Variants in CACNB2 observed in about 807,000 individuals in gnomAD.
CACNB2 encodes voltage-dependent L-type calcium channel subunit beta-2.
Under a neutral mutation model 73.3 loss-of-function variants are expected in CACNB2, and 42 were observed. The observed-to-expected ratio is 0.57, with a 90% CI of 0.45 to 0.74. The LOEUF is 0.74. CACNB2 is among the 30% of genes least tolerant of loss of function. The probability of loss-of-function intolerance (pLI) is 0.00; values close to 1 mark genes in which losing one functional copy is unlikely to be tolerated. For synonymous variants in CACNB2, 348 were observed against 310.3 expected (o/e 1.12, Z -1.28); for missense variants, 940 against 853.0 (o/e 1.10, Z -1.27).
chr10:18,265,849 G>A (rs1168449177), intron 2 of CACNB2, among the ~76,000 whole-genome samples: 1 of 152,122 alleles, frequency 6.6e-6, no homozygotes, highest in East Asian at 1.9e-4. Context: ...CATGAAGCAG[G>A]GGAGTTTGCT....
intron 10 of CACNB2, among the ~76,000 whole-genome samples, chr10:18,530,810 T>C (rs970140492): frequency 6.6e-6 from 1 of 152,230 alleles, no homozygotes; most frequent in Non-Finnish European, 1.5e-5. Flanking sequence ...TTAGTCCTCA[T>C]TTCCGTAATA....
intron 2 of CACNB2, among the ~76,000 whole-genome samples, chr10:18,220,210 T>C (rs1267952782): frequency 2.6e-5 from 1 of 37,782 alleles, no homozygotes; most frequent in Non-Finnish European, 4.1e-5. Flanking sequence ...TGTATATATA[T>C]ATATATATAT....
intron 2 of CACNB2, among the ~76,000 whole-genome samples, chr10:18,187,109 C>G (rs1350297930): frequency 6.6e-6 from 1 of 151,976 alleles, no homozygotes; most frequent in African/African-American, 2.4e-5. Context: ...GGGAAGGCTT[C>G]CTGGTAGAAG....
intron 2 of CACNB2, among the ~76,000 whole-genome samples, chr10:18,346,328 C>T (rs1589101344): frequency 2.0e-5 from 3 of 151,824 alleles, no homozygotes; most frequent in East Asian, 2.0e-4. Flanking sequence ...TTAGTAGAGA[C>T]GGGCTTTCAC....
Position 18,540,044 on chromosome 10 carries a change from TA to T in CACNB2, c.*321del. 1 of 283,402 alleles carries T rather than the reference TA, an allele frequency of 3.5e-6. No homozygotes were observed. The highest frequency in any genetic ancestry group is 6.7e-6 in the Non-Finnish European group (1 of 148,884). 17.6% of individuals were successfully genotyped at this position (283,402 alleles called of 1,614,324 possible). A position where few individuals can be genotyped will look rare whatever the true frequency, so the allele number is the denominator to read the frequency against. ...GGTGATGTTAGTGTTTTAAGAAATG[TA>T]GTTGATGTATCCAACAAGCCAGAAT... On this transcript the variant is annotated 3_prime_UTR_variant, in exon 14 of 14. Coordinates refer to ENST00000324631, the MANE Select transcript of CACNB2 (RefSeq NM_201596.3).
intron 2 of CACNB2, among the ~76,000 whole-genome samples, chr10:18,269,708 T>C (rs1428740872): frequency 6.6e-6 from 1 of 152,194 alleles, no homozygotes; most frequent in Non-Finnish European, 1.5e-5. Context: ...ACTGTAAACA[T>C]GGTTATACAA....
chr10:18,267,422 A>G (rs1400424774), intron 2 of CACNB2, among the ~76,000 whole-genome samples: 1 of 152,124 alleles, frequency 6.6e-6, no homozygotes, highest in African/African-American at 2.4e-5. Flanking sequence ...CCTGGCCAAC[A>G]TGGTGAAACC....
At chr10:18,347,745 A>G (rs186018900) in intron 2 of CACNB2, among the ~76,000 whole-genome samples, 134 of 152,266 alleles carry the variant, frequency 8.8e-4, no homozygotes, top group Admixed American at 2.8e-3. Context: ...TCTTGAGACC[A>G]TGTTTCTAAC....
chr10:18,306,092 G>T (rs989624276), intron 2 of CACNB2, among the ~76,000 whole-genome samples: 1 of 152,192 alleles, frequency 6.6e-6, no homozygotes, highest in Non-Finnish European at 1.5e-5. Flanking sequence ...CAGCCAGGGG[G>T]CCAAAACAGA....
intron 3 of CACNB2, among the ~76,000 whole-genome samples, chr10:18,473,932 G>T (rs538980081): frequency 2.0e-5 from 3 of 152,238 alleles, no homozygotes; most frequent in South Asian, 2.1e-4. Context: ...GCAGCTCCCC[G>T]CCACGCTGCT....
chr10:18,442,408 C>T (rs2046455348), intron 3 of CACNB2, among the ~76,000 whole-genome samples: 1 of 152,044 alleles, frequency 6.6e-6, no homozygotes, highest in Admixed American at 6.5e-5. Context: ...CCTCGGCCTC[C>T]CAAAGCGCTG....
chr10:18,345,121 A>G (rs1037768607), intron 2 of CACNB2, among the ~76,000 whole-genome samples: 12 of 152,244 alleles, frequency 7.9e-5, no homozygotes, highest in Non-Finnish European at 1.6e-4. Context: ...AGATAAATCT[A>G]TAACAAATTT....
At chr10:18,529,851 C>A (rs536865897) in intron 10 of CACNB2, among the ~76,000 whole-genome samples, 2 of 152,214 alleles carry the variant, frequency 1.3e-5, no homozygotes, top group East Asian at 3.9e-4. Flanking sequence ...CATCATTTGA[C>A]GCTCACAAGA....
chr10:18,518,133 T>C (rs1342776730), intron 7 of CACNB2, among the ~76,000 whole-genome samples: 2 of 152,184 alleles, frequency 1.3e-5, no homozygotes, highest in Non-Finnish European at 2.9e-5. Flanking sequence ...AAGAAGACTG[T>C]AGACAACAGT....
intron 2 of CACNB2, among the ~76,000 whole-genome samples, chr10:18,162,184 A>C (rs554718073): frequency 6.6e-6 from 1 of 152,204 alleles, no homozygotes; most frequent in African/African-American, 2.4e-5. Flanking sequence ...TTATACTTCC[A>C]TTTCTCATAG....
At chr10:18,289,129 A>C (rs542683072) in intron 2 of CACNB2, among the ~76,000 whole-genome samples, 1 of 152,218 alleles carries the variant, frequency 6.6e-6, no homozygotes, top group African/African-American at 2.4e-5. Flanking sequence ...CTGATTAAAA[A>C]TTTCATATCT....
chr10:18,411,238 T>A (rs2132628778), intron 3 of CACNB2, among the ~76,000 whole-genome samples: 1 of 150,170 alleles, frequency 6.7e-6, no homozygotes, highest in East Asian at 1.9e-4. Flanking sequence ...CGCATTAGCT[T>A]AGATTGCGTT....
chr10:18,348,977 C>G (rs1460766869), intron 2 of CACNB2, among the ~76,000 whole-genome samples: 2 of 152,066 alleles, frequency 1.3e-5, no homozygotes, highest in Non-Finnish European at 2.9e-5. Context: ...AAAAATCAGC[C>G]ACATGTGGTG....
At chr10:18,439,205 C>T (rs1267308192) in intron 3 of CACNB2, among the ~76,000 whole-genome samples, 1 of 152,182 alleles carries the variant, frequency 6.6e-6, no homozygotes, top group Admixed American at 6.5e-5. Context: ...AGGGTGTCTG[C>T]ATTTCACGAG....
Sources: allele counts gnomAD v4.1 joint callset (sites outside exome capture counted in the v4.1 genomes callset), GRCh38; gene constraint gnomAD v4.1.1; transcripts MANE v1.5; gene names NCBI Gene and HGNC (gene_info 2026-07-23, HGNC 2026-07-21).